The following NCAPH variants were observed in gnomAD, a reference collection of about 807,000 sequenced individuals.
The protein encoded by NCAPH is condensin complex subunit 2.
A neutral mutation model predicts 85.5 loss-of-function variants in NCAPH; 38 were observed. The ratio of observed to expected loss-of-function variants is 0.44; its 90% confidence interval spans 0.34 to 0.58. The LOEUF (loss-of-function observed/expected upper bound fraction) is 0.58, where lower values mean the gene tolerates loss of function less well. NCAPH is among the 20% of genes least tolerant of loss of function. NCAPH has a pLI of 0.01. For synonymous variants in NCAPH, 301 were observed against 335.1 expected (o/e 0.90, Z 1.11); for missense variants, 789 against 916.6 (o/e 0.86, Z 1.80).
chr2:96,342,161 T>C (rs769201935), intron 3 of NCAPH, 21 bp downstream of exon 3: 6 of 1,554,706 alleles, frequency 3.9e-6, no homozygotes, highest in Non-Finnish European at 5.3e-6. Flanking sequence ...GCTGGTTTAT[T>C]ATTGAAGACG....
At chr2:96,338,184 C>G (rs1319365283) in intron 1 of NCAPH, among the ~76,000 whole-genome samples, 1 of 145,942 alleles carries the variant, frequency 6.9e-6, no homozygotes, top group African/African-American at 2.5e-5. Context: ...ACCTTGGCCT[C>G]CAAAGTGCTA....
At chr2:96,346,176 T>G (rs971465057) in intron 6 of NCAPH, among the ~76,000 whole-genome samples, 36 of 151,842 alleles carry the variant, frequency 2.4e-4, no homozygotes, top group Admixed American at 3.9e-4. Flanking sequence ...TTGGGTGCAC[T>G]CATGGGGGAG....
chr2:96,336,740 T>C (rs576670922), intron 1 of NCAPH, among the ~76,000 whole-genome samples: 1 of 152,312 alleles, frequency 6.6e-6, no homozygotes, highest in Admixed American at 6.5e-5. Flanking sequence ...ACCCATGGAT[T>C]GAGAAATAAA....
At chr2:96,338,680 A>G (rs2064248606) in intron 1 of NCAPH, among the ~76,000 whole-genome samples, 1 of 152,226 alleles carries the variant, frequency 6.6e-6, no homozygotes, top group African/African-American at 2.4e-5. Flanking sequence ...ATGGGGGGAC[A>G]GTGAGCCAAG....
intron 9 of NCAPH, 25 bp downstream of exon 9, chr2:96,354,413 G>T: frequency 1.3e-6 from 2 of 1,482,676 alleles, no homozygotes; most frequent in Admixed American, 2.4e-5. Flanking sequence ...GTCCGAAAGT[G>T]TTTCTATAGG....
At chr2:96,361,969 C>A (rs1030655460) in intron 12 of NCAPH, among the ~76,000 whole-genome samples, 1 of 150,924 alleles carries the variant, frequency 6.6e-6, no homozygotes, top group Non-Finnish European at 1.5e-5. Context: ...ACTTTGAACT[C>A]CTGGATTCAA....
rs1244790560 is a variant in NCAPH at position 96,373,864 on chromosome 2, G to A, written c.*513G>A. 1 of 152,952 alleles carries A rather than the reference G, an allele frequency of 6.5e-6. No homozygotes were observed. Among genetic ancestry groups the A allele is most frequent in the Admixed American group, 6.5e-5 (1 of 15,322 alleles). 9.5% of individuals were successfully genotyped at this position (152,952 alleles called of 1,614,324 possible). ...CAAAATATTTGAGTGTCCACTAGAT[G>A]AGTATCAGACCTAGTCCTTACCCTT... On this transcript the variant is annotated 3_prime_UTR_variant, in exon 18 of 18. Coordinates refer to ENST00000240423, the MANE Select transcript of NCAPH (RefSeq NM_015341.5).
rs146970864 is a variant in NCAPH at position 96,347,723 on chromosome 2, A to G, written c.720+3494A>G. Among the ~76,000 whole-genome samples the G allele has an allele frequency of 3.4e-4, 52 of 152,322 alleles. 2 individuals carry two copies. The East Asian group carries it at 8.1e-3, about 24-fold the overall frequency. On this transcript the variant is annotated intron_variant, in intron 6 of 17. Coordinates refer to ENST00000240423, the MANE Select transcript of NCAPH (RefSeq NM_015341.5). ...TGTCTTGGGTCTTTTTGTGTAATTA[A>G]TAAATAAGCCAGATAAAGGGCAACA...
chr2:96,360,719 A>T lies in NCAPH; in HGVS notation c.1587+9A>T. The T allele has an allele frequency of 6.2e-7, 1 of 1,613,848 alleles. No homozygotes were observed. The highest frequency in any genetic ancestry group is 1.6e-4 in the Middle Eastern group (1 of 6,062). On this transcript the variant is annotated intron_variant, in intron 12 of 17. Coordinates refer to ENST00000240423, the MANE Select transcript of NCAPH (RefSeq NM_015341.5). ...TCAAACCAGGCACCAGGGTAAGCCT[A>T]TTTCTTGGTTCCTTTAAGCACACAA...
Position 96,359,033 on chromosome 2 carries a change from T to C in NCAPH, c.1209-12T>C, listed in dbSNP as rs539179270. 18 of 1,613,296 alleles carry C rather than the reference T, an allele frequency of 1.1e-5. No homozygotes were observed. The African/African-American group carries it at 1.5e-4, about 13-fold the overall frequency. ...TATATGTATTGTACATGTACAAATA[T>C]GTGTGTTACAGGGAAGAAATGATTT... is the stretch of plus-strand genomic sequence containing the variant. On this transcript the variant is annotated splice_polypyrimidine_tract_variant and intron_variant, in intron 9 of 17. Coordinates refer to ENST00000240423, the MANE Select transcript of NCAPH (RefSeq NM_015341.5).
intron 12 of NCAPH, among the ~76,000 whole-genome samples, chr2:96,361,596 A>C (rs1164538694): frequency 6.6e-6 from 1 of 151,494 alleles, no homozygotes; most frequent in Admixed American, 6.6e-5. Context: ...CTCTTCTCAC[A>C]TGTCCCTGCT....
chr2:96,354,169 T>G lies in NCAPH; in HGVS notation c.1003-14T>G. ...TAGGAATGAGAATTACAGAACCCTC[T>G]TTTGTCCCTCCAGTCTGTGTCGGCC... is the stretch of plus-strand genomic sequence containing the variant. On this transcript the variant is annotated splice_polypyrimidine_tract_variant and intron_variant, in intron 8 of 17. Transcript: ENST00000240423. 2 of 1,611,114 alleles carry G rather than the reference T, an allele frequency of 1.2e-6. No homozygotes were observed. Among genetic ancestry groups the G allele is most frequent in the Non-Finnish European group, 1.7e-6 (2 of 1,178,326 alleles).
At chr2:96,340,583 G>A (rs2064278939) in intron 1 of NCAPH, among the ~76,000 whole-genome samples, 1 of 151,790 alleles carries the variant, frequency 6.6e-6, no homozygotes, top group South Asian at 2.1e-4. Flanking sequence ...TGGAGACGGG[G>A]TTTCACCATA....
chr2:96,359,328 GC>G, intron 10 of NCAPH, 135 bp downstream of exon 10: 1 of 1,132,174 alleles, frequency 8.8e-7, no homozygotes, highest in Non-Finnish European at 1.2e-6. Context: ...ATACAGATGA[GC>G]CAGCCTCCTG....
At chr2:96,338,804 TTTTTTG>T (rs1055977683) in intron 1 of NCAPH, among the ~76,000 whole-genome samples, 2 of 152,072 alleles carry the variant, frequency 1.3e-5, no homozygotes, top group Non-Finnish European at 2.9e-5. Context: ...GTGTGGGGGT[TTTTTTG>T]TTTTTGTTTT....
rs115893051 is a variant in NCAPH, at chr2:96,362,424, G to A, written c.1587+1714G>A. Among the ~76,000 whole-genome samples the A allele has an allele frequency of 5.2e-3, 789 of 152,276 alleles. 5 individuals are homozygous for A. Among genetic ancestry groups the A allele is most frequent in the Non-Finnish European group, 9.1e-3 (618 of 68,022 alleles). On this transcript the variant is annotated intron_variant, in intron 12 of 17. Coordinates refer to ENST00000240423, the MANE Select transcript of NCAPH (RefSeq NM_015341.5). ...GTGGGTGGATCGCTTGAGGCTAGGAGTTTGAGACCAGCCTGAGCAACATGG... is the reference window on the plus strand; with the variant it reads ...GTGGGTGGATCGCTTGAGGCTAGGAATTTGAGACCAGCCTGAGCAACATGG...
chr2:96,354,407 G>T lies in NCAPH; in HGVS notation c.1208+19G>T. On this transcript the variant is annotated intron_variant, in intron 9 of 17. Transcript: ENST00000240423. The stretch of plus-strand genomic sequence containing the variant: ...GCTGCCAGTAAGGCTCTCAGAGTCC[G>T]AAAGTGTTTCTATAGGAGTTTTCCA... The T allele has an allele frequency of 6.6e-7, 1 of 1,514,330 alleles. No individual in the cohort carries two copies. Among genetic ancestry groups the T allele is most frequent in the Non-Finnish European group, 8.9e-7 (1 of 1,128,996 alleles). The allele number at this position is 1,514,330 out of a possible 1,614,324, so 93.8% of individuals were successfully genotyped here.
rs2104474296 is a variant in NCAPH at position 96,360,643 on chromosome 2, C to T, written c.1520C>T (p.Thr507Ile). 4 of 1,614,148 alleles carry T rather than the reference C, an allele frequency of 2.5e-6. No individual in the cohort carries two copies. The highest frequency in any genetic ancestry group is 1.7e-5 in the Admixed American group (1 of 60,032). The change falls in exon 12 of 18, where the codon ACC (threonine) becomes ATC (isoleucine). Residue 507 changes from threonine to isoleucine, a missense_variant. By Grantham distance (89) the Thr-to-Ile change is moderately conservative. Transcript: ENST00000240423. ...TLENQNWRATTLPTDFNYNVD... is the reference protein window; with the variant it reads ...TLENQNWRATILPTDFNYNVD... Reference sequence around the variant, plus strand: ...GAGAACCAGAATTGGAGAGCTACCACCCTTCCTACAGATTTCAACTACAAT... The same window carrying T: ...GAGAACCAGAATTGGAGAGCTACCATCCTTCCTACAGATTTCAACTACAAT...
chr2:96,363,822 G>A (rs1303861578), intron 12 of NCAPH, among the ~76,000 whole-genome samples: 1 of 151,984 alleles, frequency 6.6e-6, no homozygotes, highest in African/African-American at 2.4e-5. Flanking sequence ...TAAGGTAATG[G>A]GTTTTCCTTT....
Sources: allele counts gnomAD v4.1 joint callset (sites outside exome capture counted in the v4.1 genomes callset), GRCh38; gene constraint gnomAD v4.1.1; transcripts MANE v1.5; gene names NCBI Gene and HGNC (gene_info 2026-07-23, HGNC 2026-07-21).